Variants in OSGEP observed in about 807,000 individuals in gnomAD.
OSGEP encodes the protein O-sialoglycoprotein endopeptidase.
Under a neutral mutation model 44.1 loss-of-function variants are expected in OSGEP, and 39 were observed. The observed-to-expected ratio is 0.88, with a 90% CI of 0.69 to 1.16. The LOEUF (loss-of-function observed/expected upper bound fraction) is 1.16. OSGEP is among the 50% of genes most tolerant of loss of function. The pLI is 0.00. For synonymous variants in OSGEP, 139 were observed against 161.9 expected, an observed-to-expected ratio of 0.86 and a Z score of 1.07; for missense variants, 403 against 443.1, an observed-to-expected ratio of 0.91 and a Z score of 0.81.
intron 5 of OSGEP, 55 bp downstream of exon 5, chr14:20,448,909 G>A: frequency 6.3e-7 from 1 of 1,596,912 alleles, no homozygotes; most frequent in East Asian, 2.2e-5. Context: ...TACCGTATAT[G>A]GGGAAATCCC....
At chr14:20,448,599 T>C (rs1209885818) in intron 6 of OSGEP, 134 bp downstream of exon 6, 1 of 654,728 alleles carries the variant, frequency 1.5e-6, no homozygotes, top group Non-Finnish European at 2.7e-6. Flanking sequence ...TAAATGAATT[T>C]ACCCAGCACA....
intron 1 of OSGEP, among the ~76,000 whole-genome samples, chr14:20,452,960 G>A (rs938846321): frequency 6.6e-5 from 10 of 151,980 alleles, no homozygotes; most frequent in African/African-American, 1.4e-4. Context: ...CGTCTGCCTC[G>A]GCCTCCCAAA....
At chr14:20,448,313 T>G (rs1881013005) in intron 6 of OSGEP, 142 bp from the exon 7 acceptor site, 1 of 740,968 alleles carries the variant, frequency 1.3e-6, no homozygotes, top group Non-Finnish European at 2.5e-6. Context: ...TTCCCTTCAC[T>G]GGCATCATGG....
At position 20,452,148 on chromosome 14, in the gene OSGEP, G is replaced by A; in HGVS notation, c.237C>T (p.Gly79=). The A allele has an allele frequency of 1.9e-6, 3 of 1,605,930 alleles. No individual in the cohort carries two copies. Among genetic ancestry groups the A allele is most frequent in the East Asian group, 2.2e-5 (1 of 44,780 alleles). Residue 79 remains glycine (G), a splice_region_variant and synonymous_variant, in exon 3 of 11, where the codon GGC becomes GGT. Transcript: ENST00000206542. Reference sequence around the variant, plus strand: ...AAACCAGTGGGGCACCCATGCCAGGGCCTAGGGAGATAGAAATGGAAGTTA... The same window carrying A: ...AAACCAGTGGGGCACCCATGCCAGGACCTAGGGAGATAGAAATGGAAGTTA... ...QDIDCIAYTK[G]PGMGAPLVSV... is the part of the protein sequence containing the mutation.
In OSGEP at chr14:20,447,895, A is replaced by C; in HGVS notation, c.793+9T>G. 1 of 1,583,778 alleles carries C rather than the reference A, an allele frequency of 6.3e-7. No individual in the cohort carries two copies. The highest frequency in any genetic ancestry group is 8.7e-7 in the Non-Finnish European group (1 of 1,152,310). ...ATAGGAAAGAGGAACACTTTTCAATAATACATACACCCCACTCCTCCCACA... is the reference window on the plus strand; with the variant it reads ...ATAGGAAAGAGGAACACTTTTCAATCATACATACACCCCACTCCTCCCACA... On this transcript the variant is annotated intron_variant, in intron 8 of 10. Coordinates refer to ENST00000206542, the MANE Select transcript of OSGEP (RefSeq NM_017807.4).
rs1202314522 is a variant in OSGEP at position 20,454,619 on chromosome 14, C to A, written c.65G>T (p.Gly22Val). The change falls in exon 1 of 11, where the codon GGC (glycine) becomes GTC (valine). Residue 22 changes from glycine (G) to valine (V), a missense_variant. By Grantham distance (109) the Gly-to-Val change is moderately radical. Transcript: ENST00000206542. ...CCGCCGCGGGTTCGCCAGCACCTTG[C>A]CATCCCGCACCACGCCCACGCCAAT... is the stretch of plus-strand genomic sequence containing the variant. ...NKIGVGVVRD[G>V]KVLANPRRTY... is the part of the protein sequence containing the mutation. 2 of 1,614,204 alleles carry A rather than the reference C, an allele frequency of 1.2e-6. No homozygotes were observed. Among genetic ancestry groups the A allele is most frequent in the South Asian group, 1.1e-5 (1 of 91,086 alleles).
intron 10 of OSGEP, 31 bp from the exon 11 acceptor site, chr14:20,447,310 A>G: frequency 6.2e-7 from 1 of 1,613,856 alleles, no homozygotes; most frequent in Non-Finnish European, 8.5e-7. Context: ...CATGGTGGAG[A>G]GCGAGCCCTT....
rs759474342 is a variant in OSGEP, at chr14:20,454,632, C to T, written c.52G>A (p.Val18Met). ...EGSANKIGVG[V>M]VRDGKVLANP... ...GCCAGCACCTTGCCATCCCGCACCA[C>T]GCCCACGCCAATCTTATTGGCGCTG... The change falls in exon 1 of 11, where the codon GTG becomes ATG. Residue 18 changes from valine (V) to methionine (M), a missense_variant. Val to Met is a conservative substitution (Grantham distance 21). Coordinates refer to ENST00000206542, the MANE Select transcript of OSGEP (RefSeq NM_017807.4). 6.2e-7 allele frequency: 1 copy of T among 1,614,212 alleles called. No homozygotes were observed. Among genetic ancestry groups the T allele is most frequent in the Non-Finnish European group, 8.5e-7 (1 of 1,180,026 alleles).
Position 20,452,997 on chromosome 14 carries a change from C to T in OSGEP, c.116-549G>A, listed in dbSNP as rs143222072. On this transcript the variant is annotated intron_variant, in intron 1 of 10. Transcript: ENST00000206542. Reference sequence around the variant, plus strand: ...TGCTGGGATTACAGGCCTGAGCCACCGTGCCTGGCCTTTGGTGATCTTCTT... The same window carrying T: ...TGCTGGGATTACAGGCCTGAGCCACTGTGCCTGGCCTTTGGTGATCTTCTT... 2.1e-3 allele frequency among the ~76,000 whole-genome samples: 320 copies of T among 152,274 alleles called. 1 individual carries two copies. Among genetic ancestry groups the T allele is most frequent in the Non-Finnish European group, 3.2e-3 (217 of 68,028 alleles).
chr14:20,452,991 AGC>A (rs1881144208), intron 1 of OSGEP, among the ~76,000 whole-genome samples: 1 of 152,058 alleles, frequency 6.6e-6, no homozygotes, highest in Non-Finnish European at 1.5e-5. Context: ...TACAGGCCTG[AGC>A]CACCGTGCCT....
rs1419921610 is a variant in OSGEP at position 20,454,672 on chromosome 14, C to T, written c.12G>A (p.Val4=). 1.2e-6 allele frequency: 2 copies of T among 1,613,446 alleles called. No individual in the cohort carries two copies. The highest frequency in any genetic ancestry group is 1.7e-6 in the Non-Finnish European group (2 of 1,179,596). Residue 4 remains valine, a synonymous_variant, in exon 1 of 11, where the codon GTG becomes GTA. Coordinates refer to ENST00000206542, the MANE Select transcript of OSGEP (RefSeq NM_017807.4). MPA[V]LGFEGSANKI... ...TATTGGCGCTGCCTTCAAAACCCAG[C>T]ACCGCCGGCATGGCGGAGGCTGGGA... is the stretch of plus-strand genomic sequence containing the variant.
At chr14:20,451,290 TG>T in intron 3 of OSGEP, 1 of 289,264 alleles carries the variant, frequency 3.5e-6, no homozygotes, top group South Asian at 2.8e-5. Flanking sequence ...GTCCTTTAGT[TG>T]TTTTTTTTTG....
intron 3 of OSGEP, chr14:20,449,632 ACACAGTGG>A: frequency 4.1e-6 from 1 of 245,418 alleles, no homozygotes; most frequent in Non-Finnish European, 8.0e-6. Context: ...CTAAATTATG[ACACAGTGG>A]CAGTGGTAAT....
At chr14:20,453,072 A>C (rs7160712) in intron 1 of OSGEP, among the ~76,000 whole-genome samples, 2,793 of 137,250 alleles carry the variant, frequency 0.02, 82 homozygotes, top group African/African-American at 0.077. Context: ...TTTATTTAAC[A>C]TAACAATTAC....
rs766628686 is a variant in OSGEP at position 20,447,232 on chromosome 14, T to C, written c.*8A>G. On this transcript the variant is annotated 3_prime_UTR_variant, in exon 11 of 11. Coordinates refer to ENST00000206542, the MANE Select transcript of OSGEP (RefSeq NM_017807.4). The stretch of plus-strand genomic sequence containing the variant: ...AAGGAACTATCTACTCTGATTCTGT[T>C]GATCTTATTAGTCCCTCCAGGTCAC... 1 of 1,612,796 alleles carries C rather than the reference T, an allele frequency of 6.2e-7. No individual in the cohort carries two copies. Among genetic ancestry groups the C allele is most frequent in the Non-Finnish European group, 8.5e-7 (1 of 1,178,740 alleles).
chr14:20,450,467 CCT>C (rs1393173004), intron 3 of OSGEP: 1 of 152,200 alleles, frequency 6.6e-6, no homozygotes, highest in Non-Finnish European at 1.5e-5. Flanking sequence ...AATCACCCTC[CCT>C]GTTTCTTACA....
chr14:20,446,956 A>G lies in OSGEP; in HGVS notation c.*284T>C. 2.5e-6 allele frequency: 1 copy of G among 402,994 alleles called. No individual in the cohort carries two copies. Among genetic ancestry groups the G allele is most frequent in the Non-Finnish European group, 4.4e-6 (1 of 225,622 alleles). 25.0% of individuals were successfully genotyped at this position (402,994 alleles called of 1,614,324 possible). On this transcript the variant is annotated 3_prime_UTR_variant, in exon 11 of 11. Transcript: ENST00000206542. ...GATTCCGTTTCTTAAAAAAAAAAAA[A>G]AAGATACCTCATTCTTGGTTCCACA... is the stretch of plus-strand genomic sequence containing the variant.
In OSGEP at chr14:20,452,503, T is replaced by C. The variant is rs1881129208; in HGVS notation, c.116-55A>G. ...AGGGATTTTCTGTAGCAAAGGTAGG[T>C]AGGAAGTTAAAGAAAGCAACAGGAG... On this transcript the variant is annotated intron_variant, in intron 1 of 10. Coordinates refer to ENST00000206542, the MANE Select transcript of OSGEP (RefSeq NM_017807.4). 8 of 1,590,178 alleles carry C rather than the reference T, an allele frequency of 5.0e-6. No homozygotes were observed. In the Admixed American group the frequency reaches 6.7e-5, roughly 13 times the overall value.
chr14:20,448,679 T>C lies in OSGEP; in HGVS notation c.636+54A>G, dbSNP rs368582343. ...GAAATATAATCGTAAGTAAAACAGA[T>C]ATGCTTCATTTAAAAAGCATGAAAG... On this transcript the variant is annotated intron_variant, in intron 6 of 10. Coordinates refer to ENST00000206542, the MANE Select transcript of OSGEP (RefSeq NM_017807.4). 225 of 1,219,114 alleles carry C rather than the reference T, an allele frequency of 1.8e-4. No homozygotes were observed. In the African/African-American group the frequency reaches 3.1e-3, roughly 17 times the overall value. The allele number at this position is 1,219,114 out of a possible 1,614,324, so 75.5% of individuals were successfully genotyped here. A position where few individuals can be genotyped will look rare whatever the true frequency, so the allele number is the denominator to read the frequency against.
Sources: allele counts gnomAD v4.1 joint callset (sites outside exome capture counted in the v4.1 genomes callset), GRCh38; gene constraint gnomAD v4.1.1; transcripts MANE v1.5; gene names NCBI Gene and HGNC (gene_info 2026-07-23, HGNC 2026-07-21).